Variants in GUCY1A1 observed in about 807,000 individuals in gnomAD.
GUCY1A1 encodes the protein guanylate cyclase 1 soluble subunit alpha 1.
Under a neutral mutation model 64.5 loss-of-function variants are expected in GUCY1A1, and 48 were observed. That is an observed-to-expected ratio of 0.74 (90% confidence interval 0.59 to 0.95). The LOEUF (loss-of-function observed/expected upper bound fraction) is 0.95. Among genes scored for constraint, GUCY1A1 ranks in the 40% least tolerant of loss-of-function variants. The probability of loss-of-function intolerance (pLI) is 0.00; values close to 1 mark genes in which losing one functional copy is unlikely to be tolerated. For synonymous variants in GUCY1A1, 308 were observed against 303.4 expected (o/e 1.02, Z -0.16); for missense variants, 804 against 825.3 (o/e 0.97, Z 0.32).
rs754981995 is a variant in GUCY1A1, at chr4:155,697,033, C to G, written c.166C>G (p.Gln56Glu). 1.5e-5 allele frequency: 24 copies of G among 1,612,978 alleles called. No homozygotes were observed. Among genetic ancestry groups the G allele is most frequent in the East Asian group, 2.2e-5 (1 of 44,878 alleles). The part of the protein sequence containing the change: ...ICQDIPEKNI[Q>E]ESLPQRKTSR... ...TCAAGACATTCCTGAGAAGAACATA[C>G]AAGAAAGTCTTCCTCAAAGAAAAAC... Residue 56 changes from glutamine to glutamate, a missense_variant, in exon 3 of 10, where the codon CAA (glutamine) becomes GAA (glutamate). Gln to Glu is a conservative substitution (Grantham distance 29). Transcript: ENST00000506455.
At chr4:155,687,912 C>A (rs996463986) in intron 2 of GUCY1A1, among the ~76,000 whole-genome samples, 1 of 152,052 alleles carries the variant, frequency 6.6e-6, no homozygotes. Flanking sequence ...AGACATGAGA[C>A]ATCAGGCACT....
chr4:155,726,380 T>A (rs1223390669), intron 9 of GUCY1A1, among the ~76,000 whole-genome samples: 2 of 152,012 alleles, frequency 1.3e-5, no homozygotes, highest in African/African-American at 2.4e-5. Context: ...CAATTAAACA[T>A]CCAATGCTTT....
At chr4:155,722,003 G>C in intron 8 of GUCY1A1, 35 bp from the exon 9 acceptor site, 2 of 1,416,462 alleles carry the variant, frequency 1.4e-6, no homozygotes, top group Non-Finnish European at 2.0e-6. Flanking sequence ...TGTTTTACCA[G>C]TGACTGGGAA....
intron 2 of GUCY1A1, among the ~76,000 whole-genome samples, chr4:155,671,736 A>G (rs1252292211): frequency 6.6e-6 from 1 of 152,096 alleles, no homozygotes; most frequent in Admixed American, 6.5e-5. Context: ...TAATATTTAT[A>G]TCTTTAATTT....
intron 3 of GUCY1A1, among the ~76,000 whole-genome samples, chr4:155,699,068 GATTT>G (rs531535681): frequency 7.9e-5 from 12 of 151,758 alleles, no homozygotes; most frequent in South Asian, 6.2e-4. Context: ...GGTTACTGTA[GATTT>G]ATTTATTTAT....
At chr4:155,708,644 A>G (rs564357080) in intron 5 of GUCY1A1, among the ~76,000 whole-genome samples, 1 of 152,218 alleles carries the variant, frequency 6.6e-6, no homozygotes, top group Non-Finnish European at 1.5e-5. Flanking sequence ...GGTTAGGAGC[A>G]GTCATGGGAA....
chr4:155,685,603 G>GTTTTTTTTTTTTTTTTTTTTTTTT (rs70954055), intron 2 of GUCY1A1, among the ~76,000 whole-genome samples: 1 of 108,856 alleles, frequency 9.2e-6, no homozygotes. Flanking sequence ...TTCTCCTTGT[G>GTTTTTTTTTTTTTTTTTTTTTTTT]TTTTTTTTTT....
Position 155,713,369 on chromosome 4 carries a change from T to A in GUCY1A1, c.1358T>A (p.Leu453His). The change falls in exon 7 of 10, where the codon CTT becomes CAT. Residue 453 changes from leucine (L) to histidine (H), a missense_variant. Transcript: ENST00000506455. ...GAGGAGAAGAAAAAGACAGTAGACC[T>A]TCTGTGCTCCATATTTCCCTGTGAG... ...LEEEKKKTVD[L>H]LCSIFPCEVA... 1.2e-6 allele frequency: 2 copies of A among 1,614,158 alleles called. No individual in the cohort carries two copies. The highest frequency in any genetic ancestry group is 1.7e-6 in the Non-Finnish European group (2 of 1,180,018).
chr4:155,716,288 C>A (rs1442344088), intron 7 of GUCY1A1, among the ~76,000 whole-genome samples: 2 of 152,058 alleles, frequency 1.3e-5, no homozygotes, highest in African/African-American at 4.8e-5. Context: ...CTTTCTCACC[C>A]TCATCCTTTC....
At chr4:155,679,059 G>A (rs1209074325) in intron 2 of GUCY1A1, among the ~76,000 whole-genome samples, 1 of 152,040 alleles carries the variant, frequency 6.6e-6, no homozygotes, top group Non-Finnish European at 1.5e-5. Flanking sequence ...GCTGTTGTGT[G>A]TTACATATAT....
intron 9 of GUCY1A1, among the ~76,000 whole-genome samples, chr4:155,723,623 T>A (rs967036712): frequency 3.6e-5 from 5 of 140,664 alleles, no homozygotes; most frequent in East Asian, 2.1e-4. Flanking sequence ...CCCTTCTTCT[T>A]CTGCATTTAT....
intron 9 of GUCY1A1, among the ~76,000 whole-genome samples, chr4:155,728,883 C>T (rs1579137216): frequency 6.6e-6 from 1 of 151,864 alleles, no homozygotes; most frequent in South Asian, 2.1e-4. Flanking sequence ...ACTTTTAATA[C>T]TGTCTAATTC....
At position 155,710,980 on chromosome 4, in the gene GUCY1A1, A is replaced by C; in HGVS notation, c.815A>C (p.Gln272Pro). ...TKPSLSPSKPQSSLVIPTSLF... is the reference protein window; with the variant it reads ...TKPSLSPSKPPSSLVIPTSLF... ...CCATCCCTGTCCCCCAGCAAACCCC[A>C]GTCCTCGCTGGTGATTCCCACATCG... Residue 272 changes from glutamine to proline, a missense_variant, in exon 6 of 10, where the codon CAG (glutamine) becomes CCG (proline). Physicochemically the swap from Gln to Pro is moderately conservative, Grantham distance 76. Transcript: ENST00000506455. 6.2e-7 allele frequency: 1 copy of C among 1,613,386 alleles called. No individual in the cohort carries two copies. Among genetic ancestry groups the C allele is most frequent in the East Asian group, 2.2e-5 (1 of 44,854 alleles).
At chr4:155,670,919 C>T (rs1313642087) in intron 2 of GUCY1A1, among the ~76,000 whole-genome samples, 2 of 152,124 alleles carry the variant, frequency 1.3e-5, no homozygotes, top group Non-Finnish European at 2.9e-5. Flanking sequence ...ATGGGGCAGA[C>T]CCATTTCTTA....
intron 2 of GUCY1A1, among the ~76,000 whole-genome samples, chr4:155,685,603 G>GTTTTTTTTTTTTTTTTTTTTTTTTTTT (rs70954055): frequency 1.8e-5 from 2 of 108,856 alleles, no homozygotes. Context: ...TTCTCCTTGT[G>GTTTTTTTTTTTTTTTTTTTTTTTTTTT]TTTTTTTTTT....
intron 2 of GUCY1A1, among the ~76,000 whole-genome samples, chr4:155,686,097 A>C (rs897568128): frequency 6.6e-6 from 1 of 152,222 alleles, no homozygotes; most frequent in Non-Finnish European, 1.5e-5. Flanking sequence ...AATATCTTAA[A>C]GTGAACATGC....
intron 3 of GUCY1A1, among the ~76,000 whole-genome samples, chr4:155,700,786 ATAG>A (rs1327962417): frequency 6.6e-6 from 1 of 152,192 alleles, no homozygotes; most frequent in Non-Finnish European, 1.5e-5. Flanking sequence ...GCTTTCCCAA[ATAG>A]TAGGGTGTTT....
intron 9 of GUCY1A1, among the ~76,000 whole-genome samples, chr4:155,728,399 C>CTA (rs1735040378): frequency 6.6e-6 from 1 of 151,778 alleles, no homozygotes; most frequent in South Asian, 2.1e-4. Flanking sequence ...TAGCATGTTA[C>CTA]TATATGTGCA....
chr4:155,683,798 T>C (rs1471651196), intron 2 of GUCY1A1, among the ~76,000 whole-genome samples: 1 of 152,178 alleles, frequency 6.6e-6, no homozygotes, highest in African/African-American at 2.4e-5. Flanking sequence ...ATGTTAACCC[T>C]CAAAAGATGA....
Sources: gnomAD v4.1 joint callset for allele counts (sites outside exome capture counted in the v4.1 genomes callset) on GRCh38, gnomAD v4.1.1 for gene constraint, MANE v1.5 for transcripts, NCBI Gene and HGNC (gene_info 2026-07-23, HGNC 2026-07-21) for gene names.